The following STK4 variants were observed in gnomAD, a reference collection of about 807,000 sequenced individuals.
STK4 encodes serine/threonine-protein kinase 4.
STK4 carries 30 observed loss-of-function variants against 64.9 expected under a neutral mutation model. The observed-to-expected ratio is 0.46, with a 90% CI of 0.35 to 0.63. STK4 has a LOEUF of 0.63. STK4 is among the 20% of genes least tolerant of loss of function. The pLI is 0.01. For missense variants in STK4, 466 were observed against 598.5 expected (o/e 0.78, Z 2.31); for synonymous variants, 177 against 199.0 (o/e 0.89, Z 0.93).
intron 9 of STK4, among the ~76,000 whole-genome samples, chr20:45,021,672 C>A (rs2068250342): frequency 6.6e-6 from 1 of 152,176 alleles, no homozygotes; most frequent in African/African-American, 2.4e-5. Context: ...TGTTAAACCA[C>A]CAACAACAAA....
chr20:45,002,586 A>G (rs1015520), intron 9 of STK4, among the ~76,000 whole-genome samples: 18,912 of 152,196 alleles, frequency 0.12, 1,541 homozygotes, highest in East Asian at 0.22. Flanking sequence ...AGATTTTTAA[A>G]AATTCCTTAT....
At chr20:45,032,617 G>T (rs970552069) in intron 10 of STK4, among the ~76,000 whole-genome samples, 6 of 152,144 alleles carry the variant, frequency 3.9e-5, no homozygotes, top group African/African-American at 1.4e-4. Context: ...CGTTTCTGTG[G>T]CTGTGTAGTA....
At chr20:45,022,115 C>G (rs530873757) in intron 9 of STK4, among the ~76,000 whole-genome samples, 2 of 152,058 alleles carry the variant, frequency 1.3e-5, no homozygotes, top group Middle Eastern at 3.4e-3. Context: ...GGAATTTTTC[C>G]GTTCTTCTGT....
intron 10 of STK4, among the ~76,000 whole-genome samples, chr20:45,030,806 C>A (rs1401429286): frequency 6.6e-6 from 1 of 152,118 alleles, no homozygotes; most frequent in Non-Finnish European, 1.5e-5. Context: ...AGAATTCAGA[C>A]CTTCCCATTT....
rs192746069 is a variant in STK4 at position 45,058,903 on chromosome 20, A to G, written c.1306-16115A>G. Among the ~76,000 whole-genome samples, 17 of 152,256 alleles carry G rather than the reference A, an allele frequency of 1.1e-4. No individual in the cohort carries two copies. In the East Asian group the frequency reaches 2.9e-3, roughly 26 times the overall value. On this transcript the variant is annotated intron_variant, in intron 10 of 10. Coordinates refer to ENST00000372806, the MANE Select transcript of STK4 (RefSeq NM_006282.5). ...ACTCTACCTTCTGTAGACATTTACAATTATTCTAGGAGGTGTAATGGGTGT... is the reference window on the plus strand; with the variant it reads ...ACTCTACCTTCTGTAGACATTTACAGTTATTCTAGGAGGTGTAATGGGTGT...
intron 9 of STK4, among the ~76,000 whole-genome samples, chr20:45,005,746 C>G (rs1274098901): frequency 6.6e-6 from 1 of 151,476 alleles, no homozygotes; most frequent in Admixed American, 6.6e-5. Flanking sequence ...TGTTTGCTTA[C>G]CTTTGCTTCT....
At chr20:45,022,526 G>C (rs1439363405) in intron 9 of STK4, among the ~76,000 whole-genome samples, 4 of 151,450 alleles carry the variant, frequency 2.6e-5, no homozygotes. Flanking sequence ...TCTGAACAGT[G>C]ACAGAAATAG....
chr20:44,966,689 G>C (rs1051762038), intron 1 of STK4, 86 bp downstream of exon 1: 2 of 1,240,366 alleles, frequency 1.6e-6, no homozygotes, highest in Non-Finnish European at 1.0e-6. Flanking sequence ...CTGTGTGGGA[G>C]TCCCCGGAGC....
intron 9 of STK4, among the ~76,000 whole-genome samples, chr20:45,021,444 A>G (rs948509413): frequency 2.0e-5 from 3 of 152,222 alleles, no homozygotes; most frequent in African/African-American, 7.2e-5. Flanking sequence ...AAGCACTCTC[A>G]CACATGAAGA....
At chr20:45,042,765 AAC>A (rs139000399) in intron 10 of STK4, among the ~76,000 whole-genome samples, 38,478 of 152,016 alleles carry the variant, frequency 0.25, 5,534 homozygotes, top group Middle Eastern at 0.43. Context: ...CTGAGAAAAA[AAC>A]ACAACTCAGG....
intron 7 of STK4, among the ~76,000 whole-genome samples, chr20:45,000,173 G>C (rs2067810150): frequency 6.6e-6 from 1 of 152,292 alleles, no homozygotes; most frequent in South Asian, 2.1e-4. Flanking sequence ...AATGGCATAG[G>C]CATTTCAGCC....
At chr20:44,972,312 C>G in intron 2 of STK4, 154 bp downstream of exon 2, 1 of 625,122 alleles carries the variant, frequency 1.6e-6, no homozygotes, top group South Asian at 2.3e-5. Context: ...ACTCCAATCC[C>G]TATTATAGAC....
At position 45,001,343 on chromosome 20, in the gene STK4, A is replaced by T. The variant is rs1447262976; in HGVS notation, c.1137A>T (p.Gly379=). 6.2e-7 allele frequency: 1 copy of T among 1,608,958 alleles called. No homozygotes were observed. Among genetic ancestry groups the T allele is most frequent in the Non-Finnish European group, 8.5e-7 (1 of 1,175,658 alleles). ...ATGCAGAGGATGAGGAAGAGGAAGG[A>T]ACTATGAAAAGTAAGGCTCTGAGTA... is the stretch of plus-strand genomic sequence containing the variant. The part of the protein sequence containing the change: ...VINAEDEEEE[G]TMKRRDETMQ... The change falls in exon 9 of 11, where the codon GGA becomes GGT. Residue 379 remains glycine, a synonymous_variant. Transcript: ENST00000372806.
chr20:44,968,198 C>T (rs2067184940), intron 1 of STK4, among the ~76,000 whole-genome samples: 1 of 151,484 alleles, frequency 6.6e-6, no homozygotes, highest in Non-Finnish European at 1.5e-5. Flanking sequence ...AGTGCAGTGG[C>T]GCAATCTCGG....
chr20:45,055,078 T>C (rs1978354173), intron 10 of STK4, among the ~76,000 whole-genome samples: 1 of 152,086 alleles, frequency 6.6e-6, no homozygotes, highest in Non-Finnish European at 1.5e-5. Context: ...TGGATATCCC[T>C]GCTTCTCTTA....
chr20:45,015,059 G>T (rs1187169532), intron 9 of STK4, among the ~76,000 whole-genome samples: 1 of 152,186 alleles, frequency 6.6e-6, no homozygotes, highest in African/African-American at 2.4e-5. Context: ...TAAGAGACAT[G>T]TTTTAGTTAA....
intron 1 of STK4, chr20:44,970,494 CT>C (rs1223617473): frequency 1.3e-5 from 2 of 152,040 alleles, no homozygotes; most frequent in East Asian, 3.8e-4. Flanking sequence ...CAATTCAGGA[CT>C]TTACCAAAAA....
Position 44,995,262 on chromosome 20 carries a change from G to A in STK4, c.693+5G>A. On this transcript the variant is annotated splice_donor_5th_base_variant and intron_variant, in intron 6 of 10. Coordinates refer to ENST00000372806, the MANE Select transcript of STK4 (RefSeq NM_006282.5). ...GCTGATATCCATCCAATGAGGGTAA[G>A]AAAGTGGACAGAAAGCCAGTGGGGT... 6.2e-7 allele frequency: 1 copy of A among 1,606,892 alleles called. No homozygotes were observed. The highest frequency in any genetic ancestry group is 8.5e-7 in the Non-Finnish European group (1 of 1,176,802).
chr20:44,992,317 G>C (rs551889459), intron 5 of STK4, among the ~76,000 whole-genome samples: 38 of 151,574 alleles, frequency 2.5e-4, no homozygotes, highest in Admixed American at 5.3e-4. Flanking sequence ...GGAGTACAGT[G>C]GCATGATCAT....
Sources: allele counts gnomAD v4.1 joint callset (sites outside exome capture counted in the v4.1 genomes callset), GRCh38; gene constraint gnomAD v4.1.1; transcripts MANE v1.5; gene names NCBI Gene and HGNC (gene_info 2026-07-23, HGNC 2026-07-21).